The following HS6ST3 variants were observed in gnomAD, a reference collection of about 807,000 sequenced individuals.
HS6ST3 encodes heparan sulfate 6-O-sulfotransferase 3.
In HS6ST3, 12 loss-of-function variants were observed where a neutral mutation model predicts 36.7. That is an observed-to-expected ratio of 0.33 (90% CI 0.21 to 0.53). HS6ST3 has a LOEUF of 0.53. Ranked by LOEUF, HS6ST3 falls within the 20% of genes least tolerant of loss-of-function variation. The probability of loss-of-function intolerance (pLI) is 0.95; values close to 1 mark genes in which losing one functional copy is unlikely to be tolerated. For missense variants in HS6ST3, 584 were observed against 640.9 expected, an observed-to-expected ratio of 0.91 and a Z score of 0.96; for synonymous variants, 240 against 257.5, an observed-to-expected ratio of 0.93 and a Z score of 0.65.
At chr13:96,754,831 C>A (rs1437952803) in intron 1 of HS6ST3, among the ~76,000 whole-genome samples, 1 of 151,984 alleles carries the variant, frequency 6.6e-6, no homozygotes, top group Non-Finnish European at 1.5e-5. Context: ...GATTTCTTTA[C>A]ATTTATAGTT....
chr13:96,819,455 GA>G (rs573818148), intron 1 of HS6ST3, among the ~76,000 whole-genome samples: 1 of 152,018 alleles, frequency 6.6e-6, no homozygotes, highest in African/African-American at 2.4e-5. Context: ...TGATTTCAAA[GA>G]AAAAAATGAG....
intron 1 of HS6ST3, among the ~76,000 whole-genome samples, chr13:96,720,962 T>C (rs1334791935): frequency 6.6e-6 from 1 of 152,212 alleles, no homozygotes; most frequent in Non-Finnish European, 1.5e-5. Flanking sequence ...AATGAAATAC[T>C]ATATAATGAT....
intron 1 of HS6ST3, among the ~76,000 whole-genome samples, chr13:96,580,842 C>T (rs1478514490): frequency 6.6e-6 from 1 of 151,998 alleles, no homozygotes; most frequent in Admixed American, 6.6e-5. Context: ...TTATTTATTT[C>T]AAGCCTTTAA....
At chr13:96,445,467 A>G (rs1430865059) in intron 1 of HS6ST3, among the ~76,000 whole-genome samples, 3 of 152,168 alleles carry the variant, frequency 2.0e-5, no homozygotes, top group Non-Finnish European at 2.9e-5. Flanking sequence ...ACTAAAGCCT[A>G]TTAGTATGGA....
chr13:96,116,809 G>T, intron 1 of HS6ST3, among the ~76,000 whole-genome samples: 1 of 152,126 alleles, frequency 6.6e-6, no homozygotes, highest in East Asian at 1.9e-4. Flanking sequence ...GTTTTGTTGT[G>T]ATTATGTTGG....
intron 1 of HS6ST3, among the ~76,000 whole-genome samples, chr13:96,094,594 A>G (rs950575351): frequency 6.6e-6 from 1 of 152,220 alleles, no homozygotes; most frequent in Admixed American, 6.5e-5. Context: ...TTCCGTTGGT[A>G]ACACAAAAAC....
At chr13:96,245,002 T>A (rs9525166) in intron 1 of HS6ST3, among the ~76,000 whole-genome samples, 80,213 of 152,020 alleles carry the variant, frequency 0.53, 21,462 homozygotes, top group Admixed American at 0.65. Context: ...CAAAATATTA[T>A]TTTTAATCTG....
chr13:96,259,998 T>G (rs2054656151), intron 1 of HS6ST3, among the ~76,000 whole-genome samples: 1 of 152,196 alleles, frequency 6.6e-6, no homozygotes, highest in African/African-American at 2.4e-5. Flanking sequence ...GAGTGATGAT[T>G]ATATTGTTTC....
At chr13:96,395,844 G>A (rs1290179856) in intron 1 of HS6ST3, among the ~76,000 whole-genome samples, 1 of 152,160 alleles carries the variant, frequency 6.6e-6, no homozygotes, top group Non-Finnish European at 1.5e-5. Context: ...GGGATACAAG[G>A]AGGGAGAGAA....
chr13:96,326,567 C>A (rs970936649), intron 1 of HS6ST3, among the ~76,000 whole-genome samples: 1 of 152,192 alleles, frequency 6.6e-6, no homozygotes. Context: ...TTTCTTGATG[C>A]AGTCTATCAC....
chr13:96,610,659 T>C (rs1461235413), intron 1 of HS6ST3, among the ~76,000 whole-genome samples: 2 of 152,156 alleles, frequency 1.3e-5, no homozygotes, highest in Non-Finnish European at 2.9e-5. Context: ...TCATAAAGAA[T>C]GTTTGGCTTG....
intron 1 of HS6ST3, among the ~76,000 whole-genome samples, chr13:96,134,138 T>A (rs1464871253): frequency 6.6e-6 from 1 of 152,190 alleles, no homozygotes; most frequent in Non-Finnish European, 1.5e-5. Flanking sequence ...TCCATTGGTC[T>A]GTGTGTCTGT....
intron 1 of HS6ST3, among the ~76,000 whole-genome samples, chr13:96,557,732 T>C (rs1433307892): frequency 6.6e-6 from 1 of 152,190 alleles, no homozygotes; most frequent in African/African-American, 2.4e-5. Context: ...TCCTCTATCA[T>C]GATAATAGTA....
At chr13:96,460,292 C>T (rs569254314) in intron 1 of HS6ST3, among the ~76,000 whole-genome samples, 9 of 152,264 alleles carry the variant, frequency 5.9e-5, no homozygotes, top group African/African-American at 2.2e-4. Flanking sequence ...GGGAATTTAG[C>T]AAATTAAACA....
At chr13:96,772,820 A>G (rs1029765493) in intron 1 of HS6ST3, among the ~76,000 whole-genome samples, 9 of 151,990 alleles carry the variant, frequency 5.9e-5, no homozygotes, top group Non-Finnish European at 1.0e-4. Flanking sequence ...AGAAGTTTTG[A>G]TTTTCTTTTT....
At chr13:96,266,249 C>A (rs559973966) in intron 1 of HS6ST3, among the ~76,000 whole-genome samples, 1 of 152,266 alleles carries the variant, frequency 6.6e-6, no homozygotes, top group South Asian at 2.1e-4. Context: ...TCATGTTAAC[C>A]AGTTTTGGGG....
chr13:96,429,293 G>A (rs773571701), intron 1 of HS6ST3, among the ~76,000 whole-genome samples: 1 of 152,106 alleles, frequency 6.6e-6, no homozygotes, highest in Admixed American at 6.6e-5. Flanking sequence ...ATACCGAAAG[G>A]TTACCTATAG....
At chr13:96,448,100 T>A (rs924581300) in intron 1 of HS6ST3, among the ~76,000 whole-genome samples, 3 of 152,228 alleles carry the variant, frequency 2.0e-5, no homozygotes, top group African/African-American at 7.2e-5. Flanking sequence ...TGCAGCTGAT[T>A]GAAGCCAGAG....
At chr13:96,787,161 A>G (rs1344377401) in intron 1 of HS6ST3, among the ~76,000 whole-genome samples, 1 of 152,156 alleles carries the variant, frequency 6.6e-6, no homozygotes, top group Non-Finnish European at 1.5e-5. Context: ...GTTTTTAACA[A>G]TTATGGGCTG....
Sources: gnomAD v4.1 joint callset for allele counts (sites outside exome capture counted in the v4.1 genomes callset) on GRCh38, gnomAD v4.1.1 for gene constraint, MANE v1.5 for transcripts, NCBI Gene and HGNC (gene_info 2026-07-23, HGNC 2026-07-21) for gene names.